Variants in PLXNB2 observed in about 807,000 individuals in gnomAD.
PLXNB2 encodes plexin-B2.
In PLXNB2, 85 loss-of-function variants were observed where a neutral mutation model predicts 202.6. That is an observed-to-expected ratio of 0.42 (90% CI 0.35 to 0.50). The LOEUF (loss-of-function observed/expected upper bound fraction) is 0.50, where lower values mean the gene tolerates loss of function less well. Among genes scored for constraint, PLXNB2 ranks in the 20% least tolerant of loss-of-function variants. The pLI is 0.02. For synonymous variants in PLXNB2, 1,239 were observed against 1,137.6 expected, an observed-to-expected ratio of 1.09 and a Z score of -1.79; for missense variants, 2,063 against 2,586.2, an observed-to-expected ratio of 0.80 and a Z score of 4.39.
In PLXNB2 at chr22:50,288,835, C is replaced by T. The variant is rs1299203677; in HGVS notation, c.1288G>A (p.Asp430Asn). The change falls in exon 5 of 37, where the codon GAC becomes AAC. Residue 430 changes from aspartate to asparagine, a missense_variant. Asp to Asn is a conservative substitution (Grantham distance 23). This residue lies in a region of PLXNB2 where 1,303 missense variants were observed against 1,476.8 expected (regional missense o/e 0.88). Coordinates refer to ENST00000359337, the MANE Select transcript of PLXNB2 (RefSeq NM_012401.4). The surrounding 1 kb of genome is among the most constrained non-coding windows in gnomAD (Gnocchi z 5.0). Reference sequence around the variant, plus strand: ...TTGTTTATCTCCACAAGGATAGAGTCGTACTCTGAGGAGGTGCCATCTGGG... The same window carrying T: ...TTGTTTATCTCCACAAGGATAGAGTTGTACTCTGAGGAGGTGCCATCTGGG... ...LTPDGTSSEY[D>N]SILVEINKRV... 7 of 1,613,266 alleles carry T rather than the reference C, an allele frequency of 4.3e-6. No homozygotes were observed. Among genetic ancestry groups the T allele is most frequent in the African/African-American group, 2.7e-5 (2 of 74,932 alleles).
chr22:50,288,971 G>T lies in PLXNB2; in HGVS notation c.1240C>A (p.Arg414=). ...AGCCTGGGCCAAACCTTGAGGATCC[G>T]GCCATCAGAGGTGCCCAGAAAAGCA... is the stretch of plus-strand genomic sequence containing the variant. The part of the protein sequence containing the change: ...TVAFLGTSDG[R]ILKVYLTPDG... Residue 414 remains arginine, a synonymous_variant, in exon 4 of 37, where the codon CGG becomes AGG. Coordinates refer to ENST00000359337, the MANE Select transcript of PLXNB2 (RefSeq NM_012401.4). The surrounding 1 kb of genome is among the most constrained non-coding windows in gnomAD (Gnocchi z 5.0). The T allele has an allele frequency of 6.2e-7, 1 of 1,608,240 alleles. No homozygotes were observed. The highest frequency in any genetic ancestry group is 8.5e-7 in the Non-Finnish European group (1 of 1,176,270).
intron 35 of PLXNB2, 52 bp downstream of exon 35, chr22:50,276,577 G>T: frequency 1.4e-6 from 2 of 1,422,236 alleles, no homozygotes; most frequent in Non-Finnish European, 2.0e-6. Flanking sequence ...GGCTCAGCAT[G>T]GGGTAGTGGG....
At chr22:50,282,569 G>T in intron 18 of PLXNB2, 142 bp downstream of exon 18, 1 of 695,986 alleles carries the variant, frequency 1.4e-6, no homozygotes, top group Non-Finnish European at 2.4e-6. Flanking sequence ...AAGTGGATCT[G>T]GAGTGCAGTG....
chr22:50,305,538 A>G (rs972529003), intron 1 of PLXNB2, among the ~76,000 whole-genome samples: 4 of 152,140 alleles, frequency 2.6e-5, no homozygotes, highest in African/African-American at 9.7e-5. Context: ...CCATATCCAG[A>G]GGGGGTCGTA....
Position 50,282,821 on chromosome 22 carries a change from C to T in PLXNB2, c.2877G>A (p.Met959Ile), listed in dbSNP as rs200474256. 2.2e-4 allele frequency: 349 copies of T among 1,613,060 alleles called. No homozygotes were observed. The highest frequency in any genetic ancestry group is 9.9e-4 in the Middle Eastern group (6 of 6,056). The change falls in exon 18 of 37, where the codon ATG becomes ATA. Residue 959 changes from methionine to isoleucine, a missense_variant. Around this residue, in one of 2 missense-constraint regions of PLXNB2, gnomAD observed 1,303 missense variants for 1,476.8 expected, o/e 0.88. Transcript: ENST00000359337. ...VTGPQATRGQ[M>I]LLEVSYGGSP... is the part of the protein sequence containing the mutation. ...ACCCCCCGTAGGAGACCTCCAGAAG[C>T]ATCTGGCCCCGTGTCGCCTGGGGGC... is the stretch of plus-strand genomic sequence containing the variant.
chr22:50,291,894 G>C lies in PLXNB2; in HGVS notation c.-13-1297C>G, dbSNP rs1180718681. 6.6e-6 allele frequency among the ~76,000 whole-genome samples: 1 copy of C among 152,164 alleles called. No individual in the cohort carries two copies. The highest frequency in any genetic ancestry group is 2.4e-5 in the African/African-American group (1 of 41,426). ...TCCAGACTCGATGGCAGAGGGTTAC[G>C]AGGGATGGAGGCCCTGGCCTCCCCC... On this transcript the variant is annotated intron_variant, in intron 2 of 36. Coordinates refer to ENST00000359337, the MANE Select transcript of PLXNB2 (RefSeq NM_012401.4). The surrounding 1 kb of genome is among the most constrained non-coding windows in gnomAD (Gnocchi z 4.3).
rs1056058075 is a variant in PLXNB2 at position 50,291,081 on chromosome 22, C to T, written c.-13-484G>A. Among the ~76,000 whole-genome samples the T allele has an allele frequency of 6.6e-6, 1 of 152,264 alleles. No homozygotes were observed. The highest frequency in any genetic ancestry group is 2.4e-5 in the African/African-American group (1 of 41,550). ...ACCCATGGGGCAGAGGTGAAGGACA[C>T]GGGAAACCAGAGGCTCAGGTGAGAG... On this transcript the variant is annotated intron_variant, in intron 2 of 36. Coordinates refer to ENST00000359337, the MANE Select transcript of PLXNB2 (RefSeq NM_012401.4). The surrounding 1 kb of genome is among the most constrained non-coding windows in gnomAD (Gnocchi z 4.3).
At chr22:50,279,504 G>A (rs574408059) in intron 27 of PLXNB2, 126 bp downstream of exon 27, 22 of 931,092 alleles carry the variant, frequency 2.4e-5, no homozygotes, top group Middle Eastern at 4.8e-4. Flanking sequence ...AGAGCAGGCT[G>A]TAACTCGAAT....
At chr22:50,281,768 G>A (rs2066007998) in intron 20 of PLXNB2, 26 bp from the exon 21 acceptor site, 15 of 1,563,330 alleles carry the variant, frequency 9.6e-6, no homozygotes, top group South Asian at 2.4e-5. Flanking sequence ...TGGTCGGGGT[G>A]AGGAGGAGGG....
intron 2 of PLXNB2, among the ~76,000 whole-genome samples, chr22:50,292,905 C>T (rs1436286566): frequency 6.6e-6 from 1 of 152,190 alleles, no homozygotes; most frequent in Non-Finnish European, 1.5e-5. Context: ...CAGCTCCTGC[C>T]CGGCACAGAA....
At position 50,280,473 on chromosome 22, in the gene PLXNB2, C is replaced by A; in HGVS notation, c.4175+16G>T. 6.3e-7 allele frequency: 1 copy of A among 1,589,478 alleles called. No individual in the cohort carries two copies. Among genetic ancestry groups the A allele is most frequent in the Non-Finnish European group, 8.6e-7 (1 of 1,167,670 alleles). On this transcript the variant is annotated intron_variant, in intron 25 of 36. Transcript: ENST00000359337. ...GCCCCGCCCGTGGCCCCGCTCGTGG[C>A]CCCGCCCATGTGCACCTGCGCAGCA...
chr22:50,279,826 G>A, intron 26 of PLXNB2, 50 bp from the exon 27 acceptor site: 1 of 1,603,920 alleles, frequency 6.2e-7, no homozygotes, highest in Non-Finnish European at 8.5e-7. Flanking sequence ...TTGGGGCCTG[G>A]AAGGGGCCCC....
chr22:50,276,134 G>A (rs1265765622), intron 35 of PLXNB2, among the ~76,000 whole-genome samples, 171 bp from the exon 36 acceptor site: 2 of 152,152 alleles, frequency 1.3e-5, no homozygotes, highest in East Asian at 3.9e-4. Context: ...AGACACCCAC[G>A]CAGGCAGAGT....
At position 50,284,079 on chromosome 22, in the gene PLXNB2, G is replaced by A. The variant is rs997950234; in HGVS notation, c.2263+53C>T. The A allele has an allele frequency of 2.1e-4, 102 of 491,920 alleles. No homozygotes were observed. Among genetic ancestry groups the A allele is most frequent in the Middle Eastern group, 6.6e-4 (1 of 1,518 alleles). 30.5% of individuals were successfully genotyped at this position (491,920 alleles called of 1,614,324 possible). On this transcript the variant is annotated intron_variant, in intron 13 of 36. Transcript: ENST00000359337. The surrounding 1 kb of genome is among the most constrained non-coding windows in gnomAD (Gnocchi z 8.0). ...GCGCCCACCTGTCCCCCCACCCACC[G>A]CCTTGTGCCCACCCGTCCCCTGCCC...
At chr22:50,301,332 G>A (rs2067668108) in intron 1 of PLXNB2, 2 of 932,572 alleles carry the variant, frequency 2.1e-6, no homozygotes, top group Non-Finnish European at 2.6e-6. Context: ...AAGCTGGGCA[G>A]CGCAATGAAC....
chr22:50,277,755 G>A lies in PLXNB2; in HGVS notation c.5049-17C>T, dbSNP rs2065704890. ...AGCGGTAAGCTGAGGCAGAGCAGCA[G>A]GGAATGAGAGCCGGGGCTGGGCCGC... On this transcript the variant is annotated splice_polypyrimidine_tract_variant and intron_variant, in intron 32 of 36. Coordinates refer to ENST00000359337, the MANE Select transcript of PLXNB2 (RefSeq NM_012401.4). 6.3e-7 allele frequency: 1 copy of A among 1,594,300 alleles called. No individual in the cohort carries two copies. The highest frequency in any genetic ancestry group is 1.3e-5 in the African/African-American group (1 of 74,684).
In PLXNB2 at chr22:50,282,899, C is replaced by T; in HGVS notation, c.2817-18G>A. 1 of 1,599,938 alleles carries T rather than the reference C, an allele frequency of 6.3e-7. No individual in the cohort carries two copies. Among genetic ancestry groups the T allele is most frequent in the East Asian group, 2.2e-5 (1 of 44,590 alleles). On this transcript the variant is annotated intron_variant, in intron 17 of 36. Transcript: ENST00000359337. ...ACTTCGTCCTGGGGGAGGGAGGGTG[C>T]TGGTCTGCATCAACCCCTCCCCCGG...
Position 50,290,052 on chromosome 22 carries a change from T to C in PLXNB2, c.533A>G (p.Asp178Gly). The change falls in exon 3 of 37, where the codon GAC (aspartate) becomes GGC (glycine). Residue 178 changes from aspartate (D) to glycine (G), a missense_variant. Asp to Gly is a moderately conservative substitution (Grantham distance 94). Transcript: ENST00000359337. ...LFVGKGNGPH[D>G]NGIIVSTRLL... is the part of the protein sequence containing the mutation. ...CCGAGTGCTCACGATGATGCCGTTG[T>C]CGTGTGGCCCATTGCCTTTGCCCAC... is the stretch of plus-strand genomic sequence containing the variant. 1 of 1,613,410 alleles carries C rather than the reference T, an allele frequency of 6.2e-7. No individual in the cohort carries two copies. The highest frequency in any genetic ancestry group is 8.5e-7 in the Non-Finnish European group (1 of 1,180,040).
In PLXNB2 at chr22:50,283,030, C is replaced by G; in HGVS notation, c.2816+20G>C. 6.3e-7 allele frequency: 1 copy of G among 1,596,580 alleles called. No homozygotes were observed. The highest frequency in any genetic ancestry group is 8.5e-7 in the Non-Finnish European group (1 of 1,170,616). On this transcript the variant is annotated intron_variant, in intron 17 of 36. Coordinates refer to ENST00000359337, the MANE Select transcript of PLXNB2 (RefSeq NM_012401.4). Reference sequence around the variant, plus strand: ...CAGGGCCAGGGCCAACCAGACTCAGCAGCTGGCGGTGACACCCACACTTTA... The same window carrying G: ...CAGGGCCAGGGCCAACCAGACTCAGGAGCTGGCGGTGACACCCACACTTTA...
Sources: allele counts gnomAD v4.1 joint callset (sites outside exome capture counted in the v4.1 genomes callset), GRCh38; gene constraint gnomAD v4.1.1; regional missense constraint gnomAD v4.1.1; non-coding constraint Gnocchi (gnomAD v3.1); transcripts MANE v1.5; gene names NCBI Gene and HGNC (gene_info 2026-07-23, HGNC 2026-07-21).